AUTS2: variants seen among roughly 807,000 people sequenced by gnomAD.
AUTS2 encodes autism susceptibility gene 2 protein.
Under a neutral mutation model 112.4 loss-of-function variants are expected in AUTS2, and 17 were observed. The ratio of observed to expected loss-of-function variants is 0.15; its 90% CI spans 0.10 to 0.23. AUTS2 has a LOEUF of 0.23. Ranked by LOEUF, AUTS2 falls within the 10% of genes least tolerant of loss-of-function variation. The pLI is 1.00. For missense variants in AUTS2, 1,510 were observed against 1,701.6 expected, an observed-to-expected ratio of 0.89 and a Z score of 1.98; for synonymous variants, 751 against 702.7, an observed-to-expected ratio of 1.07 and a Z score of -1.09.
At chr7:70,539,864 G>T (rs538005609) in intron 5 of AUTS2, among the ~76,000 whole-genome samples, 4 of 152,092 alleles carry the variant, frequency 2.6e-5, no homozygotes, top group African/African-American at 9.7e-5. Flanking sequence ...CAAAACCAGC[G>T]CTGCCCGCCT....
chr7:70,563,052 G>C (rs778551322), intron 5 of AUTS2, among the ~76,000 whole-genome samples: 1 of 152,176 alleles, frequency 6.6e-6, no homozygotes, highest in Admixed American at 6.5e-5. Context: ...AAACTACAAG[G>C]AGACAGAATT....
Position 70,785,985 on chromosome 7 carries a change from G to C in AUTS2, c.2255G>C (p.Gly752Ala). Residue 752 changes from glycine to alanine, a missense_variant, in exon 17 of 19, where the codon GGC becomes GCC. Gly to Ala is a moderately conservative substitution (Grantham distance 60, BLOSUM62 0). Around this residue, in one of 3 missense-constraint regions of AUTS2, gnomAD observed 788 missense variants for 797.6 expected, o/e 0.99. Transcript: ENST00000342771. ...EPFNRPSTFT[G>A]LAAVGGNAFG... Reference sequence around the variant, plus strand: ...TTTAATCGGCCGTCTACATTCACAGGCCTAGCAGCAGTTGGTGGCAATGCC... The same window carrying C: ...TTTAATCGGCCGTCTACATTCACAGCCCTAGCAGCAGTTGGTGGCAATGCC... 6.2e-7 allele frequency: 1 copy of C among 1,614,102 alleles called. No homozygotes were observed. Among genetic ancestry groups the C allele is most frequent in the Non-Finnish European group, 8.5e-7 (1 of 1,180,008 alleles).
At chr7:70,252,571 G>A (rs534485652) in intron 4 of AUTS2, among the ~76,000 whole-genome samples, 6 of 152,072 alleles carry the variant, frequency 3.9e-5, no homozygotes, top group East Asian at 3.9e-4. Context: ...TCTGCTAATC[G>A]CTTTTTTTTG....
At chr7:69,754,319 G>A (rs541542515) in intron 1 of AUTS2, among the ~76,000 whole-genome samples, 1 of 152,316 alleles carries the variant, frequency 6.6e-6, no homozygotes, top group East Asian at 1.9e-4. Flanking sequence ...AGGAGCAAAG[G>A]ATGGTTTGGG....
At chr7:69,928,907 C>T (rs759408095) in intron 2 of AUTS2, among the ~76,000 whole-genome samples, 51 of 152,170 alleles carry the variant, frequency 3.4e-4, no homozygotes, top group Non-Finnish European at 6.8e-4. Context: ...CGGGTGTCCT[C>T]GCAGTGGCCA....
chr7:69,827,621 A>C (rs1791310197), intron 1 of AUTS2, among the ~76,000 whole-genome samples: 1 of 151,970 alleles, frequency 6.6e-6, no homozygotes, highest in African/African-American at 2.4e-5. Flanking sequence ...GGAGAAAAGC[A>C]CTCCTTCCAT....
chr7:70,505,588 T>C (rs1258137070), intron 5 of AUTS2, among the ~76,000 whole-genome samples: 1 of 152,154 alleles, frequency 6.6e-6, no homozygotes, highest in Non-Finnish European at 1.5e-5. Context: ...GAGCTTTGCC[T>C]CTCGATTAAA....
rs946041123 is a variant in AUTS2 at position 69,599,815 on chromosome 7, C to T, written c.162C>T (p.Ser54=). The change falls in exon 1 of 19, where the codon TCC becomes TCT. Residue 54 remains serine, a synonymous_variant. Coordinates refer to ENST00000342771, the MANE Select transcript of AUTS2 (RefSeq NM_015570.4). The surrounding 1 kb of genome is among the most constrained non-coding windows in gnomAD (Gnocchi z 7.0). The part of the protein sequence containing the change: ...RALSLASSSG[S]DKEDNGKPPS... The stretch of plus-strand genomic sequence containing the variant: ...TCTCACTCGCCTCGTCGTCGGGCTC[C>T]GACAAGGAAGACAATGGGAAGCCCC... 6 of 1,605,852 alleles carry T rather than the reference C, an allele frequency of 3.7e-6. No individual in the cohort carries two copies. The highest frequency in any genetic ancestry group is 5.1e-6 in the Non-Finnish European group (6 of 1,176,786).
At chr7:70,523,734 C>T (rs1799733254) in intron 5 of AUTS2, among the ~76,000 whole-genome samples, 2 of 152,170 alleles carry the variant, frequency 1.3e-5, no homozygotes, top group Admixed American at 1.3e-4. Flanking sequence ...AAGCTCTAGC[C>T]TATAGCTGGA....
At chr7:69,913,724 C>T (rs529438736) in intron 2 of AUTS2, among the ~76,000 whole-genome samples, 92 of 152,180 alleles carry the variant, frequency 6.0e-4, no homozygotes, top group Non-Finnish European at 1.2e-3. Flanking sequence ...AGTAAATCCT[C>T]TCAACTGCTT....
chr7:69,827,459 CCCCTAAAAAAA>C (rs1456490647), intron 1 of AUTS2, among the ~76,000 whole-genome samples: 1 of 151,074 alleles, frequency 6.6e-6, no homozygotes, highest in Non-Finnish European at 1.5e-5. Flanking sequence ...GAAAAAAAAA[CCCCTAAAAAAA>C]CCCTGGATTC....
At chr7:70,457,729 G>A (rs1241902314) in intron 5 of AUTS2, among the ~76,000 whole-genome samples, 2 of 152,194 alleles carry the variant, frequency 1.3e-5, no homozygotes, top group African/African-American at 2.4e-5. Flanking sequence ...GTCCCATACA[G>A]AGCCGCAGAT....
rs553709038 is a variant in AUTS2 at position 69,817,682 on chromosome 7, C to T, written c.310-81604C>T. Among the ~76,000 whole-genome samples, 58 of 152,178 alleles carry T rather than the reference C, an allele frequency of 3.8e-4. 1 individual carries two copies. Among genetic ancestry groups the T allele is most frequent in the Non-Finnish European group, 6.2e-4 (42 of 68,000 alleles). Reference sequence around the variant, plus strand: ...GGATTTGGATTATGAGTAGCAGAAGCGTGGAGAGCTGGGCAGAGGTGGAGT... The same window carrying T: ...GGATTTGGATTATGAGTAGCAGAAGTGTGGAGAGCTGGGCAGAGGTGGAGT... On this transcript the variant is annotated intron_variant, in intron 1 of 18. Transcript: ENST00000342771.
At chr7:70,593,750 GT>G (rs1237415113) in intron 5 of AUTS2, among the ~76,000 whole-genome samples, 3 of 152,212 alleles carry the variant, frequency 2.0e-5, no homozygotes, top group Non-Finnish European at 4.4e-5. Context: ...GGAAAGCTGA[GT>G]CCCCTTGGTG....
At chr7:69,897,227 G>T (rs1296693460) in intron 1 of AUTS2, among the ~76,000 whole-genome samples, 1 of 152,230 alleles carries the variant, frequency 6.6e-6, no homozygotes. Flanking sequence ...GGAGGAGTGT[G>T]TAAGAGAGGC....
chr7:69,790,731 A>G (rs892005758), intron 1 of AUTS2, among the ~76,000 whole-genome samples: 4 of 152,228 alleles, frequency 2.6e-5, no homozygotes, highest in African/African-American at 9.6e-5. Flanking sequence ...TTGTCCCATT[A>G]AGAATATTAT....
intron 1 of AUTS2, among the ~76,000 whole-genome samples, chr7:69,646,566 C>T (rs1795029087): frequency 6.6e-6 from 1 of 152,176 alleles, no homozygotes; most frequent in African/African-American, 2.4e-5. Flanking sequence ...TATACCAAAC[C>T]AGGCACAGGT....
intron 5 of AUTS2, among the ~76,000 whole-genome samples, chr7:70,680,158 T>G (rs1808134522): frequency 6.6e-6 from 1 of 152,148 alleles, no homozygotes. Context: ...GAATGGTATA[T>G]CCTACTTAGA....
chr7:70,255,067 A>G (rs947601168), intron 4 of AUTS2, among the ~76,000 whole-genome samples: 1 of 147,878 alleles, frequency 6.8e-6, no homozygotes, highest in Non-Finnish European at 1.5e-5. Context: ...CTGGACCTCA[A>G]AATTACCTTT....
Sources: gnomAD v4.1 joint callset for allele counts (sites outside exome capture counted in the v4.1 genomes callset) on GRCh38, gnomAD v4.1.1 for gene constraint, gnomAD v4.1.1 regional missense constraint, Gnocchi (gnomAD v3.1) non-coding constraint, MANE v1.5 for transcripts, NCBI Gene and HGNC (gene_info 2026-07-23, HGNC 2026-07-21) for gene names.